The following GRID2IP variants were observed in gnomAD, a reference collection of about 807,000 sequenced individuals.
The protein encoded by GRID2IP is Grid2 interacting protein, also known as delphilin.
In GRID2IP, 78 loss-of-function variants were observed where a neutral mutation model predicts 114.3. The observed-to-expected ratio is 0.68, with a 90% CI of 0.57 to 0.82. The LOEUF is 0.82. Ranked by LOEUF, GRID2IP falls within the 40% of genes least tolerant of loss-of-function variation. The pLI, the probability that GRID2IP is intolerant of heterozygous loss-of-function variation, is 0.00. For missense variants in GRID2IP, 1,727 were observed against 1,678.5 expected (o/e 1.03, Z -0.51); for synonymous variants, 809 against 724.0 (o/e 1.12, Z -1.89).
Position 6,505,898 on chromosome 7 carries a change from C to T in GRID2IP, c.2554G>A (p.Asp852Asn). 6.4e-7 allele frequency: 1 copy of T among 1,551,564 alleles called. No homozygotes were observed. The highest frequency in any genetic ancestry group is 2.0e-5 in the Admixed American group (1 of 51,016). The change falls in exon 14 of 22, where the codon GAC becomes AAC. Residue 852 changes from aspartate to asparagine, a missense_variant. Physicochemically the swap from Asp to Asn is conservative, Grantham distance 23. Transcript: ENST00000457091. The stretch of plus-strand genomic sequence containing the variant: ...TCACTCAGCTTATCGTAGTCAGAGT[C>T]TTCCCCGAGCTGCGAGGGAGGATGG... ...EGTIWGQLGE[D>N]SDYDKLSDMV...
intron 2 of GRID2IP, among the ~76,000 whole-genome samples, chr7:6,531,415 G>A (rs1187150131): frequency 5.9e-5 from 9 of 152,162 alleles, no homozygotes; most frequent in Non-Finnish European, 1.3e-4. Context: ...CCTCGCCTGC[G>A]TCCTCTCCAG....
At position 6,526,467 on chromosome 7, in the gene GRID2IP, C is replaced by T. The variant is rs1203146477; in HGVS notation, c.833+54G>A. 8 of 1,417,544 alleles carry T rather than the reference C, an allele frequency of 5.6e-6. No homozygotes were observed. Among genetic ancestry groups the T allele is most frequent in the Non-Finnish European group, 7.4e-6 (8 of 1,085,356 alleles). 87.8% of individuals were successfully genotyped at this position (1,417,544 alleles called of 1,614,324 possible). ...TACGCCCTCTCCCCGGGTCTCGGTC[C>T]CGAGCCCACCCGCAGGGAGGCGCCC... On this transcript the variant is annotated intron_variant, in intron 3 of 21. Transcript: ENST00000457091. This position sits in a 1 kb window ranked among gnomAD's most constrained non-coding sequence, Gnocchi z 7.6.
Position 6,508,535 on chromosome 7 carries a change from G to A in GRID2IP, c.2128-134C>T. On this transcript the variant is annotated intron_variant, in intron 12 of 21. Coordinates refer to ENST00000457091, the MANE Select transcript of GRID2IP (RefSeq NM_001145118.2). This position sits in a 1 kb window ranked among gnomAD's most constrained non-coding sequence, Gnocchi z 5.6. ...TCACGGGTTAGCCTCAGGCTGTGAG[G>A]GACACCTGGGCTAAGGATAGGACTG... The A allele has an allele frequency of 7.2e-7, 1 of 1,398,234 alleles. No homozygotes were observed. Among genetic ancestry groups the A allele is most frequent in the Non-Finnish European group, 9.6e-7 (1 of 1,041,856 alleles). The allele number at this position is 1,398,234 out of a possible 1,614,324, so 86.6% of individuals were successfully genotyped here. A position where few individuals can be genotyped will look rare whatever the true frequency, so the allele number is the denominator to read the frequency against.
At chr7:6,543,351 C>G (rs776892349) in intron 1 of GRID2IP, among the ~76,000 whole-genome samples, 1 of 151,314 alleles carries the variant, frequency 6.6e-6, no homozygotes, top group African/African-American at 2.4e-5. Context: ...GAGCCAAGAT[C>G]GTGCCACTGC....
intron 19 of GRID2IP, 31 bp downstream of exon 19, chr7:6,501,958 C>T (rs1488798925): frequency 6.4e-7 from 1 of 1,550,870 alleles, no homozygotes; most frequent in South Asian, 1.2e-5. Flanking sequence ...GACAGCATGC[C>T]TCTGCCTCCC....
rs562742303 is a variant in GRID2IP, at chr7:6,519,159, C to A, written c.1268+1419G>T. Among the ~76,000 whole-genome samples, 7 of 152,238 alleles carry A rather than the reference C, an allele frequency of 4.6e-5. No homozygotes were observed. Among genetic ancestry groups the A allele is most frequent in the African/African-American group, 1.7e-4 (7 of 41,558 alleles). On this transcript the variant is annotated intron_variant, in intron 7 of 21. Transcript: ENST00000457091. This position sits in a 1 kb window ranked among gnomAD's most constrained non-coding sequence, Gnocchi z 4.1. Reference sequence around the variant, plus strand: ...TTTGAACTCCTGGGCTCAAGCGATCCTCCTGCCTCAGCCTCCCAAAGTGCT... The same window carrying A: ...TTTGAACTCCTGGGCTCAAGCGATCATCCTGCCTCAGCCTCCCAAAGTGCT...
chr7:6,504,833 C>T lies in GRID2IP; in HGVS notation c.2670G>A (p.Glu890=), dbSNP rs1222649554. Reference sequence around the variant, plus strand: ...TCTTATGGGACAGGATCTCCACCACCTCCTTCTTCCGGAAGGGCTCCGGCC... The same window carrying T: ...TCTTATGGGACAGGATCTCCACCACTTCCTTCTTCCGGAAGGGCTCCGGCC... The part of the protein sequence containing the change: ...VPGPEPFRKK[E]VVEILSHKKA... Residue 890 remains glutamate, a synonymous_variant, in exon 15 of 22, where the codon GAG becomes GAA. Transcript: ENST00000457091. 6 of 1,551,446 alleles carry T rather than the reference C, an allele frequency of 3.9e-6. No homozygotes were observed. In the South Asian group the frequency reaches 7.1e-5, roughly 18 times the overall value.
chr7:6,541,255 G>T (rs1201044434), intron 1 of GRID2IP, among the ~76,000 whole-genome samples: 1 of 152,050 alleles, frequency 6.6e-6, no homozygotes, highest in Non-Finnish European at 1.5e-5. Flanking sequence ...GAAAGTGAAG[G>T]GTCAGGATTC....
Position 6,545,708 on chromosome 7 carries a change from C to T in GRID2IP, c.429+5300G>A, listed in dbSNP as rs1024648630. 5.3e-5 allele frequency among the ~76,000 whole-genome samples: 8 copies of T among 152,320 alleles called. No individual in the cohort carries two copies. In the South Asian group the frequency reaches 6.2e-4, roughly 12 times the overall value. ...CATGCTTGTCCAGCCCCAAGCACAG[C>T]GCCTGGCACATATTAGGCACTCAGA... On this transcript the variant is annotated intron_variant, in intron 1 of 21. Coordinates refer to ENST00000457091, the MANE Select transcript of GRID2IP (RefSeq NM_001145118.2).
intron 1 of GRID2IP, among the ~76,000 whole-genome samples, chr7:6,549,137 T>A (rs1779930465): frequency 6.6e-6 from 1 of 152,174 alleles, no homozygotes; most frequent in African/African-American, 2.4e-5. Context: ...GCTGTAACCA[T>A]ACTAGGCAGC....
At position 6,507,493 on chromosome 7, in the gene GRID2IP, C is replaced by A. The variant is rs1786630754; in HGVS notation, c.2544+492G>T. Among the ~76,000 whole-genome samples, 1 of 152,038 alleles carries A rather than the reference C, an allele frequency of 6.6e-6. No individual in the cohort carries two copies. Among genetic ancestry groups the A allele is most frequent in the Non-Finnish European group, 1.5e-5 (1 of 68,026 alleles). On this transcript the variant is annotated intron_variant, in intron 13 of 21. Coordinates refer to ENST00000457091, the MANE Select transcript of GRID2IP (RefSeq NM_001145118.2). This position sits in a 1 kb window ranked among gnomAD's most constrained non-coding sequence, Gnocchi z 5.3. Reference sequence around the variant, plus strand: ...CAGAAAGAAAACAGGGCATGGGAATCCTGGGGAGACAAGATTTCAGAGCAA... The same window carrying A: ...CAGAAAGAAAACAGGGCATGGGAATACTGGGGAGACAAGATTTCAGAGCAA...
intron 7 of GRID2IP, among the ~76,000 whole-genome samples, chr7:6,518,516 T>C (rs558508188): frequency 2.6e-5 from 4 of 152,190 alleles, no homozygotes; most frequent in African/African-American, 9.6e-5. Context: ...AGTGGGCAGA[T>C]CACGAGGTCA....
At chr7:6,529,451 A>G (rs1255787913) in intron 2 of GRID2IP, among the ~76,000 whole-genome samples, 1 of 150,486 alleles carries the variant, frequency 6.6e-6, no homozygotes, top group Non-Finnish European at 1.5e-5. Context: ...ACTCCATCTC[A>G]AAAAAAAGAA....
At chr7:6,522,978 A>G (rs1779441819) in intron 4 of GRID2IP, among the ~76,000 whole-genome samples, 1 of 151,796 alleles carries the variant, frequency 6.6e-6, no homozygotes, top group Admixed American at 6.6e-5. Flanking sequence ...CAATTTTTGT[A>G]TTTTTTGTAG....
intron 2 of GRID2IP, among the ~76,000 whole-genome samples, chr7:6,530,761 C>G (rs375280849): frequency 6.6e-6 from 1 of 152,232 alleles, no homozygotes; most frequent in Non-Finnish European, 1.5e-5. Context: ...GTCCTGTCCC[C>G]TCGACCAGCC....
At position 6,551,352 on chromosome 7, in the gene GRID2IP, C is replaced by T. The variant is rs1392249890; in HGVS notation, c.85G>A (p.Val29Ile). Residue 29 changes from valine (V) to isoleucine (I), a missense_variant, in exon 1 of 22, where the codon GTC (valine) becomes ATC (isoleucine). Coordinates refer to ENST00000457091, the MANE Select transcript of GRID2IP (RefSeq NM_001145118.2). ...CTGCTCCCCTTGGCCACCTCCAGGA[C>T]GAAGCAGGGGCCAGAGCCACCTAGC... ...FRLGGSGPCF[V>I]LEVAKGSSAH... 14 of 1,548,908 alleles carry T rather than the reference C, an allele frequency of 9.0e-6. No individual in the cohort carries two copies. The highest frequency in any genetic ancestry group is 1.2e-5 in the Non-Finnish European group (14 of 1,146,642).
In GRID2IP at chr7:6,517,903, A is replaced by AAAAT. The variant is rs201670978; in HGVS notation, c.1268+2671_1268+2674dup. Among the ~76,000 whole-genome samples, 739 of 149,798 alleles carry AAAAT rather than the reference A, an allele frequency of 4.9e-3. 4 individuals carry two copies. Among genetic ancestry groups the AAAAT allele is most frequent in the Non-Finnish European group, 7.0e-3 (474 of 67,812 alleles). On this transcript the variant is annotated intron_variant, in intron 7 of 21. Coordinates refer to ENST00000457091, the MANE Select transcript of GRID2IP (RefSeq NM_001145118.2). ...GGGCGACAGAGCAAAACTCTGCTTC[A>AAAAT]AAATAAATAAATAAATAAATAAATA... is the stretch of plus-strand genomic sequence containing the variant.
chr7:6,542,781 T>C (rs1234000694), intron 1 of GRID2IP, among the ~76,000 whole-genome samples: 2 of 152,166 alleles, frequency 1.3e-5, no homozygotes, highest in South Asian at 2.1e-4. Flanking sequence ...TACAATCCTG[T>C]GAATATATTA....
rs1459860229 is a variant in GRID2IP, at chr7:6,509,207, C to A, written c.1878G>T (p.Glu626Asp). The A allele has an allele frequency of 1.3e-6, 2 of 1,493,042 alleles. No individual in the cohort carries two copies. The highest frequency in any genetic ancestry group is 1.3e-5 in the South Asian group (1 of 74,984). 92.5% of individuals were successfully genotyped at this position (1,493,042 alleles called of 1,614,324 possible). Residue 626 changes from glutamate to aspartate, a missense_variant, in exon 12 of 22, where the codon GAG becomes GAT. By Grantham distance (45) the Glu-to-Asp change is conservative. Coordinates refer to ENST00000457091, the MANE Select transcript of GRID2IP (RefSeq NM_001145118.2). The surrounding 1 kb of genome is among the most constrained non-coding windows in gnomAD (Gnocchi z 4.9). ...SGGLASPSSS[E>D]SHPYASLDSS... ...TGTCCAGGCTGGCGTAGGGGTGGGA[C>A]TCAGAGCTGCTGGGGGAGGCCAGAC...
Sources: gnomAD v4.1 joint callset for allele counts (sites outside exome capture counted in the v4.1 genomes callset) on GRCh38, gnomAD v4.1.1 for gene constraint, Gnocchi (gnomAD v3.1) non-coding constraint, MANE v1.5 for transcripts, NCBI Gene and HGNC (gene_info 2026-07-23, HGNC 2026-07-21) for gene names.